CTSO: variants seen among roughly 807,000 people sequenced by gnomAD.
CTSO encodes the protein cathepsin O.
CTSO carries 40 observed loss-of-function variants against 42.4 expected under a neutral mutation model. The observed-to-expected ratio is 0.94, with a 90% CI of 0.73 to 1.23. The LOEUF (loss-of-function observed/expected upper bound fraction) is 1.23. CTSO is among the 50% of genes most tolerant of loss of function. CTSO has a pLI of 0.00. For missense variants in CTSO, 441 were observed against 396.0 expected, an observed-to-expected ratio of 1.11 and a Z score of -0.96; for synonymous variants, 156 against 146.2, an observed-to-expected ratio of 1.07 and a Z score of -0.48.
At chr4:155,939,201 A>T (rs925979953) in intron 4 of CTSO, among the ~76,000 whole-genome samples, 170 bp downstream of exon 4, 9 of 152,168 alleles carry the variant, frequency 5.9e-5, no homozygotes, top group African/African-American at 2.2e-4. Flanking sequence ...CTTTGCCTAG[A>T]AGTGATTCAT....
At chr4:155,941,696 C>T (rs1743432436) in intron 3 of CTSO, among the ~76,000 whole-genome samples, 1 of 152,156 alleles carries the variant, frequency 6.6e-6, no homozygotes, top group Non-Finnish European at 1.5e-5. Flanking sequence ...CATGCTACTG[C>T]TCAATTCTGC....
intron 4 of CTSO, among the ~76,000 whole-genome samples, chr4:155,939,144 CT>C (rs1332176947): frequency 3.4e-4 from 51 of 152,234 alleles, no homozygotes; most frequent in African/African-American, 1.1e-3. Context: ...AAATATTTCT[CT>C]GAAGACAGAC....
At chr4:155,937,202 C>T (rs149027048) in intron 5 of CTSO, among the ~76,000 whole-genome samples, 160 bp downstream of exon 5, 1 of 152,098 alleles carries the variant, frequency 6.6e-6, no homozygotes, top group Non-Finnish European at 1.5e-5. Flanking sequence ...TAAGAAACAA[C>T]ATTTACAACA....
Position 155,929,565 on chromosome 4 carries a change from A to G in CTSO, c.815T>C (p.Leu272Pro), listed in dbSNP as rs1743194684. The G allele has an allele frequency of 1.9e-6, 3 of 1,613,396 alleles. No homozygotes were observed. The highest frequency in any genetic ancestry group is 1.7e-6 in the Non-Finnish European group (2 of 1,179,798). The change falls in exon 6 of 8, where the codon CTC (leucine) becomes CCC (proline). Residue 272 changes from leucine to proline, a missense_variant. Physicochemically the swap from Leu to Pro is moderately conservative, Grantham distance 98 (BLOSUM62 -3). Transcript: ENST00000433477. ...CSSGEANHAV[L>P]ITGFDKTGST... ...ACCTGTTTTATCAAACCCAGTTATG[A>G]GAACTGCATGATTTGCTTCTCCACT...
chr4:155,940,619 C>T (rs907363594), intron 3 of CTSO, among the ~76,000 whole-genome samples: 4 of 152,010 alleles, frequency 2.6e-5, no homozygotes, highest in East Asian at 1.9e-4. Flanking sequence ...CCAAGGCAGG[C>T]GGATCATGAG....
intron 5 of CTSO, among the ~76,000 whole-genome samples, chr4:155,931,378 G>A (rs186400484): frequency 2.4e-4 from 37 of 152,204 alleles, no homozygotes; most frequent in African/African-American, 7.9e-4. Context: ...GAAAGATCAA[G>A]AAGAAGGAAT....
In CTSO at chr4:155,937,354, A is replaced by T; in HGVS notation, c.674+8T>A. 1 of 1,596,566 alleles carries T rather than the reference A, an allele frequency of 6.3e-7. No homozygotes were observed. The highest frequency in any genetic ancestry group is 8.6e-7 in the Non-Finnish European group (1 of 1,166,270). On this transcript the variant is annotated splice_region_variant and intron_variant, in intron 5 of 7. Transcript: ENST00000433477. ...ATAAAGAAAAACATAATACAATAAG[A>T]TCTTTACCTGAAGTCATATGCAGAA...
intron 5 of CTSO, among the ~76,000 whole-genome samples, chr4:155,935,545 G>A (rs1388435681): frequency 6.6e-6 from 1 of 152,032 alleles, no homozygotes; most frequent in Non-Finnish European, 1.5e-5. Context: ...AACCTTTTCA[G>A]TGAGTGAGGC....
At position 155,927,425 on chromosome 4, in the gene CTSO, G is replaced by A. The variant is rs562069708; in HGVS notation, c.931+911C>T. Among the ~76,000 whole-genome samples the A allele has an allele frequency of 5.3e-5, 8 of 152,166 alleles. No individual in the cohort carries two copies. The South Asian group carries it at 1.2e-3, about 24-fold the overall frequency. On this transcript the variant is annotated intron_variant, in intron 7 of 7. Transcript: ENST00000433477. ...AGGTTTGAATATAGTTTTATAACAC[G>A]GTTAAAATTCTTAACTAGCTATTTT...
chr4:155,925,646 A>G lies in CTSO; in HGVS notation c.*390T>C. On this transcript the variant is annotated 3_prime_UTR_variant, in exon 8 of 8. Coordinates refer to ENST00000433477, the MANE Select transcript of CTSO (RefSeq NM_001334.3). ...AAAGCTAGTAGTTACACCCCACAAA[A>G]GAAAATAAATTCTTATGACCTCTTT... 5.1e-6 allele frequency: 1 copy of G among 194,232 alleles called. No individual in the cohort carries two copies. The highest frequency in any genetic ancestry group is 1.0e-5 in the Non-Finnish European group (1 of 97,030). 12.0% of individuals were successfully genotyped at this position (194,232 alleles called of 1,614,324 possible). A position where few individuals can be genotyped will look rare whatever the true frequency, so the allele number is the denominator to read the frequency against.
chr4:155,937,477 C>T lies in CTSO; in HGVS notation c.559G>A (p.Val187Ile), dbSNP rs771345401. ...NALNWLNKMQVKLVKDSEYPF... is the reference protein window; with the variant it reads ...NALNWLNKMQIKLVKDSEYPF... ...TATTCTGAATCTTTCACCAGTTTTACTTGCATCTAAAAGAAAACAATCACT... is the reference window on the plus strand; with the variant it reads ...TATTCTGAATCTTTCACCAGTTTTATTTGCATCTAAAAGAAAACAATCACT... Residue 187 changes from valine (V) to isoleucine (I), a missense_variant, in exon 5 of 8, where the codon GTA becomes ATA. Physicochemically the swap from Val to Ile is conservative, Grantham distance 29 (BLOSUM62 3). Transcript: ENST00000433477. 1 of 1,612,680 alleles carries T rather than the reference C, an allele frequency of 6.2e-7. No homozygotes were observed.
intron 1 of CTSO, among the ~76,000 whole-genome samples, chr4:155,953,345 T>C (rs940497310): frequency 1.3e-5 from 2 of 152,006 alleles, no homozygotes; most frequent in Admixed American, 1.3e-4. Context: ...AAAAGAGAAA[T>C]AGAAGAGCTT....
chr4:155,953,821 C>A lies in CTSO; in HGVS notation c.27G>T (p.Leu9=). The A allele has an allele frequency of 1.5e-6, 2 of 1,317,792 alleles. No homozygotes were observed. Among genetic ancestry groups the A allele is most frequent in the South Asian group, 2.2e-5 (1 of 46,284 alleles). 81.6% of individuals were successfully genotyped at this position (1,317,792 alleles called of 1,614,324 possible). A position where few individuals can be genotyped will look rare whatever the true frequency, so the allele number is the denominator to read the frequency against. ...GGCACAGCAGCCACAGCAGCCACGG[C>A]AGCCACGGCAGCGCCCGCACGTCCA... MDVRALPW[L]PWLLWLLCRG... The change falls in exon 1 of 8, where the codon CTG becomes CTT. Residue 9 remains leucine, a synonymous_variant. Transcript: ENST00000433477.
rs1313632091 is a variant in CTSO, at chr4:155,930,852, AG to A, written c.675-1148del. The stretch of plus-strand genomic sequence containing the variant: ...GAATATCTGCTTTTTGAGATCTATA[AG>A]TAGATATTTCTAATTTTTGCTACTG... On this transcript the variant is annotated intron_variant, in intron 5 of 7. Transcript: ENST00000433477. Among the ~76,000 whole-genome samples the A allele has an allele frequency of 2.0e-5, 3 of 152,168 alleles. No homozygotes were observed. In the East Asian group the frequency reaches 5.8e-4, roughly 29 times the overall value.
intron 7 of CTSO, among the ~76,000 whole-genome samples, chr4:155,926,920 T>A (rs1041712054): frequency 6.6e-6 from 1 of 152,138 alleles, no homozygotes; most frequent in African/African-American, 2.4e-5. Flanking sequence ...TCAGCCCAAA[T>A]CCAGGATCCA....
intron 4 of CTSO, among the ~76,000 whole-genome samples, chr4:155,938,783 CAAAAAACAA>C (rs891130367): frequency 6.6e-5 from 10 of 151,518 alleles, no homozygotes; most frequent in Non-Finnish European, 1.3e-4. Context: ...AAACAAAAAA[CAAAAAACAA>C]AAAAAACAAA....
intron 2 of CTSO, among the ~76,000 whole-genome samples, chr4:155,942,921 T>C (rs1215394155): frequency 6.6e-6 from 1 of 152,212 alleles, no homozygotes; most frequent in Non-Finnish European, 1.5e-5. Context: ...TTATCCTTTA[T>C]AGCCACATGG....
chr4:155,931,682 T>C (rs1743236417), intron 5 of CTSO, among the ~76,000 whole-genome samples: 1 of 152,056 alleles, frequency 6.6e-6, no homozygotes, highest in Admixed American at 6.6e-5. Context: ...ACATGTACAT[T>C]GTTATAATGG....
Position 155,939,649 on chromosome 4 carries a change from C to G in CTSO, c.385-111G>C, listed in dbSNP as rs1579344531. The G allele has an allele frequency of 2.7e-5, 26 of 976,658 alleles. 1 individual carries two copies. The East Asian group carries it at 6.4e-4, about 24-fold the overall frequency. 60.5% of individuals were successfully genotyped at this position (976,658 alleles called of 1,614,324 possible). A position where few individuals can be genotyped will look rare whatever the true frequency, so the allele number is the denominator to read the frequency against. On this transcript the variant is annotated intron_variant, in intron 3 of 7. Coordinates refer to ENST00000433477, the MANE Select transcript of CTSO (RefSeq NM_001334.3). ...AGTAAGGCTTCCAGATTCTGGAAAC[C>G]TACAAAATAAATACGCCTATCCTCT...
Sources: gnomAD v4.1 joint callset for allele counts (sites outside exome capture counted in the v4.1 genomes callset) on GRCh38, gnomAD v4.1.1 for gene constraint, MANE v1.5 for transcripts, NCBI Gene and HGNC (gene_info 2026-07-23, HGNC 2026-07-21) for gene names.